ZNF536: variants seen among roughly 807,000 people sequenced by gnomAD.
The protein encoded by ZNF536 is zinc finger protein 536.
In ZNF536, 13 loss-of-function variants were observed where a neutral mutation model predicts 84.5. That is an observed-to-expected ratio of 0.15 (90% CI 0.10 to 0.24). ZNF536 has a LOEUF of 0.24. Ranked by LOEUF, ZNF536 falls within the 10% of genes least tolerant of loss-of-function variation. The pLI, the probability that ZNF536 is intolerant of heterozygous loss-of-function variation, is 1.00. For missense variants in ZNF536, 1,536 were observed against 1,747.5 expected (o/e 0.88, Z 2.16); for synonymous variants, 811 against 742.5 (o/e 1.09, Z -1.50).
intron 3 of ZNF536, among the ~76,000 whole-genome samples, chr19:30,540,899 TC>T (rs1176469936): frequency 1.3e-5 from 2 of 152,224 alleles, no homozygotes; most frequent in African/African-American, 4.8e-5. Context: ...CCTTGACCCC[TC>T]CCTCAGACTG....
In ZNF536 at chr19:30,259,973, C is replaced by CTTGA. The variant is rs1385963819; in HGVS notation, c.-189-24099_-189-24098insTTGA. On this transcript the variant is annotated intron_variant, in intron 1 of 5. Transcript: ENST00000585628. ...AGAGACGATGTTTCACCATCTTTGCCAGGCTGGTCTTGAACTCCTGACCTC... is the reference window on the plus strand; with the variant it reads ...AGAGACGATGTTTCACCATCTTTGCCTTGAAGGCTGGTCTTGAACTCCTGACCTC... Among the ~76,000 whole-genome samples the CTTGA allele has an allele frequency of 8.7e-5, 13 of 150,064 alleles. No individual in the cohort carries two copies. The South Asian group carries it at 2.7e-3, about 32-fold the overall frequency.
chr19:30,235,495 T>C (rs1224317110), intron 1 of ZNF536, among the ~76,000 whole-genome samples: 1 of 152,234 alleles, frequency 6.6e-6, no homozygotes, highest in African/African-American at 2.4e-5. Flanking sequence ...GGAAATGCTA[T>C]GTCAGCTAAC....
intron 2 of ZNF536, among the ~76,000 whole-genome samples, chr19:30,464,128 T>G (rs2053277537): frequency 2.6e-5 from 4 of 151,946 alleles, no homozygotes; most frequent in African/African-American, 9.7e-5. Context: ...GTCTGCGGAG[T>G]GTTTAAGGCC....
chr19:30,296,469 C>T (rs2045999365), intron 2 of ZNF536, among the ~76,000 whole-genome samples: 1 of 152,186 alleles, frequency 6.6e-6, no homozygotes, highest in African/African-American at 2.4e-5. Context: ...AGGGAGGTTC[C>T]TCCTGGGTGA....
At chr19:30,244,668 T>A (rs2024148558) in intron 1 of ZNF536, among the ~76,000 whole-genome samples, 2 of 152,204 alleles carry the variant, frequency 1.3e-5, no homozygotes, top group Admixed American at 6.5e-5. Flanking sequence ...GCCAGCTGTC[T>A]TTGCTCCTTG....
chr19:30,684,479 C>T (rs535877959), intron 1 of ZNF536, among the ~76,000 whole-genome samples: 87 of 152,306 alleles, frequency 5.7e-4, no homozygotes, highest in African/African-American at 2.0e-3. Context: ...AAAGACAACA[C>T]GTCAACTTTC....
chr19:30,526,660 C>T (rs2044594785), intron 2 of ZNF536, among the ~76,000 whole-genome samples: 2 of 118,318 alleles, frequency 1.7e-5, no homozygotes, highest in Middle Eastern at 4.8e-3. Flanking sequence ...GGAGGCGGAG[C>T]TTGCAGTGAG....
At chr19:30,365,696 C>T (rs745497596) in intron 3 of ZNF536, among the ~76,000 whole-genome samples, 2 of 152,166 alleles carry the variant, frequency 1.3e-5, no homozygotes, top group Non-Finnish European at 1.5e-5. Flanking sequence ...AGGACTGACT[C>T]CTTAGCTCTA....
At chr19:30,327,259 C>T (rs766921745) in intron 2 of ZNF536, among the ~76,000 whole-genome samples, 3 of 152,166 alleles carry the variant, frequency 2.0e-5, no homozygotes, top group Non-Finnish European at 4.4e-5. Flanking sequence ...CATATTTCCT[C>T]GGGCTTGGGG....
In ZNF536 at chr19:30,435,790, A is replaced by G. The variant is rs78651032; in HGVS notation, c.-2-7771A>G. On this transcript the variant is annotated intron_variant, in intron 1 of 4. Transcript: ENST00000355537. Reference sequence around the variant, plus strand: ...CAGAAGTCTTCTCTACTCAGAGAAGATGACAGGAGAACCCCTTTGTTGCCA... The same window carrying G: ...CAGAAGTCTTCTCTACTCAGAGAAGGTGACAGGAGAACCCCTTTGTTGCCA... Among the ~76,000 whole-genome samples, 1,262 of 152,216 alleles carry G rather than the reference A, an allele frequency of 8.3e-3. 18 individuals are homozygous for G. Among genetic ancestry groups the G allele is most frequent in the African/African-American group, 0.029 (1,195 of 41,526 alleles).
chr19:30,283,508 G>C (rs1190532996), intron 1 of ZNF536, among the ~76,000 whole-genome samples: 1 of 152,200 alleles, frequency 6.6e-6, no homozygotes, highest in Non-Finnish European at 1.5e-5. Flanking sequence ...GTCTGGGTTC[G>C]GGAGAGAGGA....
rs769608026 is a variant in ZNF536 at position 30,444,881 on chromosome 19, C to G, written c.1319C>G (p.Thr440Ser). The change falls in exon 2 of 5, where the codon ACC becomes AGC. Residue 440 changes from threonine to serine, a missense_variant. By Grantham distance (58) the Thr-to-Ser change is moderately conservative. Around this residue, in one of 8 missense-constraint regions of ZNF536, gnomAD observed 366 missense variants for 364.4 expected, o/e 1.00. Transcript: ENST00000355537. ...YLSCLQSGFM[T>S]PDKAGLSEPS... The stretch of plus-strand genomic sequence containing the variant: ...TCCTGCCTGCAGAGTGGCTTCATGA[C>G]CCCGGACAAAGCCGGCCTGAGCGAG... 3.1e-6 allele frequency: 5 copies of G among 1,612,388 alleles called. No individual in the cohort carries two copies. The African/African-American group carries it at 6.7e-5, about 22-fold the overall frequency.
chr19:30,484,667 CTT>C (rs1568476418), intron 2 of ZNF536, among the ~76,000 whole-genome samples: 1 of 96,310 alleles, frequency 1.0e-5, no homozygotes, highest in African/African-American at 8.0e-5. Context: ...TTTCTTTTTT[CTT>C]CTTCTTCTTC....
chr19:30,535,106 A>G, intron 3 of ZNF536, 107 bp downstream of exon 3: 1 of 1,355,434 alleles, frequency 7.4e-7, no homozygotes, highest in Non-Finnish European at 1.0e-6. Context: ...CTAACTCTGG[A>G]AGGTTCTCCC....
chr19:30,236,538 G>C (rs993484390), intron 1 of ZNF536, among the ~76,000 whole-genome samples: 9 of 150,500 alleles, frequency 6.0e-5, no homozygotes, highest in African/African-American at 2.2e-4. Context: ...GCGGGGGGGG[G>C]GTACAATTGG....
chr19:30,435,958 G>T (rs963830124), intron 1 of ZNF536, among the ~76,000 whole-genome samples: 18 of 152,140 alleles, frequency 1.2e-4, no homozygotes, highest in Non-Finnish European at 5.9e-5. Context: ...AACCAAAAAT[G>T]GTCACGTCTT....
chr19:30,512,156 T>C (rs571120088), intron 2 of ZNF536, among the ~76,000 whole-genome samples: 71 of 152,330 alleles, frequency 4.7e-4, no homozygotes, highest in Non-Finnish European at 8.4e-4. Flanking sequence ...TTGATCACAT[T>C]TTTAAAATTC....
rs5827694 is a variant in ZNF536, at chr19:30,234,397, C to CTTTT, written c.-190+5744_-190+5747dup. On this transcript the variant is annotated intron_variant, in intron 1 of 5. Coordinates refer to the ZNF536 transcript ENST00000585628. ...CTATTTGGGACCACTAGGCTCCTTC[C>CTTTT]TTTTTTTTTTTTTTTTTTTTTTTGA... 1.2e-3 allele frequency among the ~76,000 whole-genome samples: 98 copies of CTTTT among 82,402 alleles called. 2 individuals carry two copies. Among genetic ancestry groups the CTTTT allele is most frequent in the African/African-American group, 1.8e-3 (35 of 19,566 alleles). The allele number at this position is 82,402 out of a possible 152,430, so 54.1% of individuals were successfully genotyped here.
intron 1 of ZNF536, among the ~76,000 whole-genome samples, chr19:30,417,951 G>C (rs2098528798): frequency 6.6e-6 from 1 of 152,030 alleles, no homozygotes; most frequent in Non-Finnish European, 1.5e-5. Flanking sequence ...CTCTTGCTAT[G>C]TTGCCTAGGC....
Sources: allele counts gnomAD v4.1 joint callset (sites outside exome capture counted in the v4.1 genomes callset), GRCh38; gene constraint gnomAD v4.1.1; regional missense constraint gnomAD v4.1.1; transcripts MANE v1.5; gene names NCBI Gene and HGNC (gene_info 2026-07-23, HGNC 2026-07-21).